CDYL2: variants seen among roughly 807,000 people sequenced by gnomAD.
The protein encoded by CDYL2 is chromodomain Y like 2.
In CDYL2, 23 loss-of-function variants were observed where a neutral mutation model predicts 49.4. The observed-to-expected ratio is 0.47, with a 90% CI of 0.34 to 0.66. The LOEUF (loss-of-function observed/expected upper bound fraction) is 0.66, where lower values mean the gene tolerates loss of function less well. CDYL2 is among the 30% of genes least tolerant of loss of function. CDYL2 has a pLI of 0.01. For missense variants in CDYL2, 678 were observed against 656.4 expected (o/e 1.03, Z -0.36); for synonymous variants, 360 against 268.8 (o/e 1.34, Z -3.32).
At chr16:80,653,999 TTGCA>T (rs1908697660) in intron 2 of CDYL2, among the ~76,000 whole-genome samples, 1 of 152,050 alleles carries the variant, frequency 6.6e-6, no homozygotes, top group South Asian at 2.1e-4. Flanking sequence ...TGCCCCATGC[TTGCA>T]TGCCAACGGA....
chr16:80,612,684 C>G lies in CDYL2; in HGVS notation c.1160G>C (p.Arg387Pro), dbSNP rs747855913. Reference sequence around the variant, plus strand: ...GGAGGAGCAGCCAGCAGGCGTGAGGCGGATGGTGGCGTAGGGCGTCTGGAA... The same window carrying G: ...GGAGGAGCAGCCAGCAGGCGTGAGGGGGATGGTGGCGTAGGGCGTCTGGAA... ...AWFQTPYATI[R>P]LTPAGCSSYT... The change falls in exon 5 of 7, where the codon CGC becomes CCC. Residue 387 changes from arginine (R) to proline (P), a missense_variant. Transcript: ENST00000570137. The surrounding 1 kb of genome is among the most constrained non-coding windows in gnomAD (Gnocchi z 5.0). 6.2e-7 allele frequency: 1 copy of G among 1,613,188 alleles called. No individual in the cohort carries two copies. The highest frequency in any genetic ancestry group is 8.5e-7 in the Non-Finnish European group (1 of 1,179,936).
chr16:80,625,138 T>C (rs756844930), intron 3 of CDYL2, among the ~76,000 whole-genome samples: 22 of 152,262 alleles, frequency 1.4e-4, no homozygotes, highest in Admixed American at 2.6e-4. Flanking sequence ...TATTATCTTA[T>C]AGTCCCTTAG....
intron 1 of CDYL2, among the ~76,000 whole-genome samples, chr16:80,745,964 C>G (rs1029985359): frequency 6.6e-6 from 1 of 152,154 alleles, no homozygotes; most frequent in East Asian, 1.9e-4. Flanking sequence ...GTCAGGATAC[C>G]CCCTCCTGCT....
chr16:80,703,133 C>A (rs1904312302), intron 1 of CDYL2, among the ~76,000 whole-genome samples: 1 of 152,166 alleles, frequency 6.6e-6, no homozygotes, highest in African/African-American at 2.4e-5. Flanking sequence ...TATGCACATA[C>A]ACACACACCT....
chr16:80,785,602 G>GA (rs1483002243), intron 1 of CDYL2, among the ~76,000 whole-genome samples: 3 of 152,024 alleles, frequency 2.0e-5, no homozygotes, highest in Admixed American at 6.6e-5. Context: ...CAAAGAACTG[G>GA]AAAAAACTAC....
intron 1 of CDYL2, among the ~76,000 whole-genome samples, chr16:80,750,866 A>G (rs775451605): frequency 2.2e-4 from 34 of 152,118 alleles, no homozygotes; most frequent in Non-Finnish European, 4.3e-4. Context: ...AAAAAATACA[A>G]AAAACTAGCC....
Position 80,672,352 on chromosome 16 carries a change from CAG to C in CDYL2, c.616+12184_616+12185del, listed in dbSNP as rs1555528924. ...ACACACACACACACACACACACACA[CAG>C]AGAGAGAGAGAGAGATGAGTAGAAC... On this transcript the variant is annotated intron_variant, in intron 2 of 6. Coordinates refer to ENST00000570137, the MANE Select transcript of CDYL2 (RefSeq NM_152342.4). Among the ~76,000 whole-genome samples, 544 of 117,826 alleles carry C rather than the reference CAG, an allele frequency of 4.6e-3. 3 individuals are homozygous for C. The highest frequency in any genetic ancestry group is 0.014 in the African/African-American group (448 of 31,972). 77.3% of individuals were successfully genotyped at this position (117,826 alleles called of 152,430 possible). A position where few individuals can be genotyped will look rare whatever the true frequency, so the allele number is the denominator to read the frequency against.
At chr16:80,793,440 T>C (rs1192755390) in intron 1 of CDYL2, among the ~76,000 whole-genome samples, 1 of 152,192 alleles carries the variant, frequency 6.6e-6, no homozygotes, top group Non-Finnish European at 1.5e-5. Flanking sequence ...AAGGACAATC[T>C]GAAAGAAAGT....
intron 1 of CDYL2, among the ~76,000 whole-genome samples, chr16:80,710,116 C>T (rs1469155667): frequency 6.6e-6 from 1 of 152,018 alleles, no homozygotes; most frequent in Non-Finnish European, 1.5e-5. Context: ...TTAGTACAGA[C>T]GGGGATTTCG....
At chr16:80,632,859 T>C (rs776502084) in intron 3 of CDYL2, 160 bp downstream of exon 3, 3 of 633,506 alleles carry the variant, frequency 4.7e-6, no homozygotes, top group Non-Finnish European at 2.8e-6. Flanking sequence ...GGATAATGTA[T>C]GTAAAATGAT....
chr16:80,666,558 C>T (rs1567562266), intron 2 of CDYL2, among the ~76,000 whole-genome samples: 1 of 152,140 alleles, frequency 6.6e-6, no homozygotes, highest in Non-Finnish European at 1.5e-5. Context: ...ACACAGCAAG[C>T]AGGGCCATCG....
Position 80,792,133 on chromosome 16 carries a change from T to C in CDYL2, c.24+12017A>G, listed in dbSNP as rs1374901438. On this transcript the variant is annotated intron_variant, in intron 1 of 6. Transcript: ENST00000570137. ...AGGAATCCAGAAGGAAGATCCTAAC[T>C]TCAACTTTTGATATTTTGAGTTTAA... 3.3e-5 allele frequency among the ~76,000 whole-genome samples: 5 copies of C among 152,310 alleles called. No individual in the cohort carries two copies. In the South Asian group the frequency reaches 1.0e-3, roughly 32 times the overall value.
At position 80,620,812 on chromosome 16, in the gene CDYL2, A is replaced by G. The variant is rs1204039944; in HGVS notation, c.958T>C (p.Leu320=). Residue 320 remains leucine, a synonymous_variant, in exon 4 of 7, where the codon TTG becomes CTG. Transcript: ENST00000570137. ...GLDYSYLIGR[L]SSDRRKESTR... ...CTCTCCTTTCGCCGGTCGCTGGACA[A>G]CCGGCCAATTAGGTAGGAATAATCC... 6.2e-7 allele frequency: 1 copy of G among 1,611,870 alleles called. No individual in the cohort carries two copies. Among genetic ancestry groups the G allele is most frequent in the South Asian group, 1.1e-5 (1 of 90,814 alleles).
In CDYL2 at chr16:80,747,078, C is replaced by A. The variant is rs1905958401; in HGVS notation, c.24+57072G>T. Among the ~76,000 whole-genome samples the A allele has an allele frequency of 2.6e-5, 4 of 152,262 alleles. No individual in the cohort carries two copies. In the South Asian group the frequency reaches 8.3e-4, roughly 32 times the overall value. On this transcript the variant is annotated intron_variant, in intron 1 of 6. Transcript: ENST00000570137. The stretch of plus-strand genomic sequence containing the variant: ...GCTGCCATTTATCATCATCTGTGTG[C>A]TGTCAGTTTTCTTACGGCATAGAAA...
rs191690986 is a variant in CDYL2, at chr16:80,609,079, G to A, written c.1219-844C>T. Among the ~76,000 whole-genome samples, 181 of 152,258 alleles carry A rather than the reference G, an allele frequency of 1.2e-3. 1 individual carries two copies. Among genetic ancestry groups the A allele is most frequent in the African/African-American group, 4.0e-3 (166 of 41,538 alleles). On this transcript the variant is annotated intron_variant, in intron 5 of 6. Coordinates refer to ENST00000570137, the MANE Select transcript of CDYL2 (RefSeq NM_152342.4). ...GAAGGGCAGAGAGCAATCTTCCCTG[G>A]GGTCTGGTGACCTGGGATATCTCTG...
At chr16:80,766,946 A>G (rs990149236) in intron 1 of CDYL2, among the ~76,000 whole-genome samples, 13 of 152,200 alleles carry the variant, frequency 8.5e-5, no homozygotes, top group Admixed American at 2.0e-4. Flanking sequence ...GCCCTAAGAA[A>G]CAGGTACTAT....
At chr16:80,701,304 T>A (rs923682516) in intron 1 of CDYL2, among the ~76,000 whole-genome samples, 8 of 152,242 alleles carry the variant, frequency 5.3e-5, no homozygotes, top group African/African-American at 1.9e-4. Context: ...TCTATGGTTA[T>A]TGCCTAATTA....
intron 1 of CDYL2, among the ~76,000 whole-genome samples, chr16:80,720,675 T>C (rs1270066930): frequency 6.6e-6 from 1 of 152,200 alleles, no homozygotes; most frequent in Non-Finnish European, 1.5e-5. Flanking sequence ...GGATTCAGGG[T>C]GCATTTTCCT....
In CDYL2 at chr16:80,684,718, T is replaced by C. The variant is rs1193369978; in HGVS notation, c.436A>G (p.Ile146Val). 1.2e-6 allele frequency: 2 copies of C among 1,614,154 alleles called. No homozygotes were observed. Among genetic ancestry groups the C allele is most frequent in the East Asian group, 4.5e-5 (2 of 44,870 alleles). Residue 146 changes from isoleucine (I) to valine (V), a missense_variant, in exon 2 of 7, where the codon ATA becomes GTA. Ile to Val is a conservative substitution (Grantham distance 29). Around this residue, in one of 3 missense-constraint regions of CDYL2, gnomAD observed 478 missense variants for 427.0 expected, o/e 1.12. Transcript: ENST00000570137. Reference sequence around the variant, plus strand: ...TTCTGAGACTTTTTCAGGGGCATTATTTGCAAACCACTGGGGGTAGTCCTG... The same window carrying C: ...TTCTGAGACTTTTTCAGGGGCATTACTTGCAAACCACTGGGGGTAGTCCTG... ...SYRTTPSGLQ[I>V]MPLKKSQNGM...
Sources: gnomAD v4.1 joint callset for allele counts (sites outside exome capture counted in the v4.1 genomes callset) on GRCh38, gnomAD v4.1.1 for gene constraint, gnomAD v4.1.1 regional missense constraint, Gnocchi (gnomAD v3.1) non-coding constraint, MANE v1.5 for transcripts, NCBI Gene and HGNC (gene_info 2026-07-23, HGNC 2026-07-21) for gene names.